The following CCSER1 variants were observed in gnomAD, a reference collection of about 807,000 sequenced individuals.
The protein encoded by CCSER1 is serine-rich coiled-coil domain-containing protein 1.
Under a neutral mutation model 82.0 loss-of-function variants are expected in CCSER1, and 41 were observed. The ratio of observed to expected loss-of-function variants is 0.50; its 90% CI spans 0.39 to 0.65. The LOEUF is 0.65. CCSER1 is among the 30% of genes least tolerant of loss of function. CCSER1 has a pLI of 0.00. For synonymous variants in CCSER1, 414 were observed against 383.9 expected, an observed-to-expected ratio of 1.08 and a Z score of -0.92; for missense variants, 1,119 against 1,064.2, an observed-to-expected ratio of 1.05 and a Z score of -0.72.
intron 10 of CCSER1, among the ~76,000 whole-genome samples, chr4:91,388,446 G>A (rs1047900899): frequency 3.9e-5 from 6 of 152,046 alleles, no homozygotes; most frequent in South Asian, 2.1e-4. Context: ...CTGGAACATA[G>A]GGAAACTATA....
rs530923038 is a variant in CCSER1, at chr4:90,417,222, A to T, written c.1603+17093A>T. On this transcript the variant is annotated intron_variant, in intron 4 of 10. Coordinates refer to ENST00000509176, the MANE Select transcript of CCSER1 (RefSeq NM_001145065.2). ...CCTGAACTTAAAGTATAATAAATAT[A>T]AAAAAAATTTAAAAAAACCAATGCA... Among the ~76,000 whole-genome samples, 3 of 152,194 alleles carry T rather than the reference A, an allele frequency of 2.0e-5. No homozygotes were observed. The South Asian group carries it at 6.2e-4, about 32-fold the overall frequency.
intron 1 of CCSER1, among the ~76,000 whole-genome samples, chr4:90,130,451 A>C (rs561438694): frequency 6.6e-6 from 1 of 152,212 alleles, no homozygotes; most frequent in Non-Finnish European, 1.5e-5. Context: ...CAGGATTAGT[A>C]CATTGTGGAT....
chr4:90,436,934 G>A (rs1759087423), intron 4 of CCSER1, among the ~76,000 whole-genome samples: 1 of 151,696 alleles, frequency 6.6e-6, no homozygotes. Context: ...AGCCTCCCGA[G>A]TAGCTGGGAC....
chr4:90,797,992 T>C (rs565145719), intron 7 of CCSER1, among the ~76,000 whole-genome samples: 44 of 152,312 alleles, frequency 2.9e-4, no homozygotes, highest in Admixed American at 2.5e-3. Context: ...TGTGGTTCTC[T>C]GCATTTTATG....
chr4:91,125,594 T>C (rs1167793331), intron 10 of CCSER1, among the ~76,000 whole-genome samples: 10 of 151,770 alleles, frequency 6.6e-5, no homozygotes, highest in Admixed American at 6.6e-4. Flanking sequence ...GGATTTTGTT[T>C]GAAATACCAC....
At chr4:91,514,945 A>C (rs1256544084) in intron 10 of CCSER1, among the ~76,000 whole-genome samples, 1 of 152,114 alleles carries the variant, frequency 6.6e-6, no homozygotes, top group Non-Finnish European at 1.5e-5. Context: ...GCCTGCCTAC[A>C]TTAGGAAGAA....
At chr4:90,348,947 AT>A (rs1007705444) in intron 3 of CCSER1, among the ~76,000 whole-genome samples, 3 of 152,010 alleles carry the variant, frequency 2.0e-5, no homozygotes, top group Non-Finnish European at 4.4e-5. Context: ...GGTAGAAAGC[AT>A]TTTTTATTTA....
intron 4 of CCSER1, among the ~76,000 whole-genome samples, chr4:90,449,576 C>A (rs1427323253): frequency 6.6e-6 from 1 of 152,212 alleles, no homozygotes; most frequent in Non-Finnish European, 1.5e-5. Flanking sequence ...CACAACCCTT[C>A]CCTTGGCCTC....
chr4:90,691,464 A>C (rs1452226906), intron 6 of CCSER1, among the ~76,000 whole-genome samples: 1 of 143,124 alleles, frequency 7.0e-6, no homozygotes, highest in Non-Finnish European at 1.6e-5. Context: ...AATCACATAT[A>C]TACACACATG....
chr4:91,070,907 T>G (rs1390599773), intron 9 of CCSER1, among the ~76,000 whole-genome samples: 1 of 152,174 alleles, frequency 6.6e-6, no homozygotes, highest in Admixed American at 6.5e-5. Context: ...GCACACTCTC[T>G]GTGGTGTTGT....
rs1451216033 is a variant in CCSER1, at chr4:90,741,656, T to C, written c.2010+17665T>C. ...TTATCATTTCATATAAACTCCATTA[T>C]ACTCATTTTTATTGTTTTTTACATA... On this transcript the variant is annotated intron_variant, in intron 7 of 10. Transcript: ENST00000509176. 2.0e-5 allele frequency among the ~76,000 whole-genome samples: 3 copies of C among 152,224 alleles called. No homozygotes were observed. In the East Asian group the frequency reaches 5.8e-4, roughly 29 times the overall value.
At chr4:91,429,198 T>C (rs1754156353) in intron 10 of CCSER1, among the ~76,000 whole-genome samples, 1 of 151,952 alleles carries the variant, frequency 6.6e-6, no homozygotes, top group Non-Finnish European at 1.5e-5. Flanking sequence ...CTACCTTATT[T>C]CTCCCTTAAG....
intron 10 of CCSER1, among the ~76,000 whole-genome samples, chr4:91,334,727 A>G (rs1371512225): frequency 6.6e-6 from 1 of 152,078 alleles, no homozygotes; most frequent in African/African-American, 2.4e-5. Context: ...GTCATCACCT[A>G]TGATGTCTTT....
intron 8 of CCSER1, 104 bp downstream of exon 8, chr4:90,815,949 C>A (rs1430996224): frequency 1.1e-5 from 7 of 653,522 alleles, no homozygotes; most frequent in Non-Finnish European, 1.3e-5. Flanking sequence ...TTTGTAAATC[C>A]TTCCAGTGGT....
chr4:90,217,667 T>C (rs559865202), intron 1 of CCSER1, among the ~76,000 whole-genome samples: 2 of 152,310 alleles, frequency 1.3e-5, no homozygotes, highest in Admixed American at 1.3e-4. Context: ...TTTTTTGTCT[T>C]GTTCTGGTTC....
At chr4:90,720,547 T>C (rs1377119395) in intron 6 of CCSER1, among the ~76,000 whole-genome samples, 1 of 152,056 alleles carries the variant, frequency 6.6e-6, no homozygotes, top group Non-Finnish European at 1.5e-5. Flanking sequence ...TGTTTTTGCA[T>C]TTGCAAGATT....
At chr4:90,663,722 A>G (rs1731219370) in intron 6 of CCSER1, 1 of 158,438 alleles carries the variant, frequency 6.3e-6, no homozygotes, top group Non-Finnish European at 1.4e-5. Context: ...AGTCAAATCT[A>G]AAACATATGT....
At chr4:90,348,149 A>C (rs1742746566) in intron 3 of CCSER1, among the ~76,000 whole-genome samples, 2 of 152,156 alleles carry the variant, frequency 1.3e-5, no homozygotes, top group South Asian at 4.1e-4. Flanking sequence ...GAAGATCAGG[A>C]AAAATAACAA....
At chr4:90,154,895 G>A (rs1578220061) in intron 1 of CCSER1, among the ~76,000 whole-genome samples, 1 of 151,838 alleles carries the variant, frequency 6.6e-6, no homozygotes, top group Non-Finnish European at 1.5e-5. Context: ...TAATTGCCCT[G>A]GCCAGAACTT....
Sources: gnomAD v4.1 joint callset for allele counts (sites outside exome capture counted in the v4.1 genomes callset) on GRCh38, gnomAD v4.1.1 for gene constraint, MANE v1.5 for transcripts, NCBI Gene and HGNC (gene_info 2026-07-23, HGNC 2026-07-21) for gene names.